The following HOMER1 variants were observed in gnomAD, a reference collection of about 807,000 sequenced individuals.
HOMER1 encodes the protein homer protein homolog 1.
Under a neutral mutation model 48.9 loss-of-function variants are expected in HOMER1, and 3 were observed. That is an observed-to-expected ratio of 0.06 (90% CI 0.03 to 0.16). The LOEUF (loss-of-function observed/expected upper bound fraction) is 0.16. HOMER1 is among the 10% of genes least tolerant of loss of function. The pLI is 1.00. For missense variants in HOMER1, 247 were observed against 411.4 expected, an observed-to-expected ratio of 0.60 and a Z score of 3.46; for synonymous variants, 134 against 146.4, an observed-to-expected ratio of 0.92 and a Z score of 0.61.
At chr5:79,418,353 C>T (rs1234691004) in intron 5 of HOMER1, among the ~76,000 whole-genome samples, 23 of 152,122 alleles carry the variant, frequency 1.5e-4, no homozygotes, top group Admixed American at 1.5e-3. Flanking sequence ...TCCTGATCGG[C>T]CTCGATGGAA....
At chr5:79,429,185 G>A (rs1418369961) in intron 5 of HOMER1, among the ~76,000 whole-genome samples, 2 of 152,076 alleles carry the variant, frequency 1.3e-5, no homozygotes, top group Non-Finnish European at 2.9e-5. Context: ...GTGAAATCCC[G>A]TCTCTACTAA....
rs1178796119 is a variant in HOMER1, at chr5:79,466,235, G to A, written c.6-9217C>T. Among the ~76,000 whole-genome samples the A allele has an allele frequency of 5.3e-5, 8 of 151,928 alleles. No homozygotes were observed. The East Asian group carries it at 1.5e-3, about 29-fold the overall frequency. Reference sequence around the variant, plus strand: ...ATCACATTTAAAATTACATTTTTAGGCTGGGTGTGGTGGCTCATACCTGTA... The same window carrying A: ...ATCACATTTAAAATTACATTTTTAGACTGGGTGTGGTGGCTCATACCTGTA... On this transcript the variant is annotated intron_variant, in intron 1 of 8. Transcript: ENST00000334082.
chr5:79,506,218 G>A (rs554274091), intron 1 of HOMER1, among the ~76,000 whole-genome samples: 3 of 151,692 alleles, frequency 2.0e-5, no homozygotes, highest in Admixed American at 1.3e-4. Context: ...AGGTTCAAGC[G>A]ATAAAAACTT....
At position 79,384,038 on chromosome 5, in the gene HOMER1, A is replaced by G. The variant is rs546048950; in HGVS notation, c.877-7841T>C. Among the ~76,000 whole-genome samples the G allele has an allele frequency of 6.8e-4, 103 of 151,972 alleles. 1 individual carries two copies. Among genetic ancestry groups the G allele is most frequent in the African/African-American group, 2.3e-3 (96 of 41,488 alleles). Reference sequence around the variant, plus strand: ...CTAAGAGGCAAGTTTATAGCAATAAATGCCGACATCAAAAAAGTAGAAAGA... The same window carrying G: ...CTAAGAGGCAAGTTTATAGCAATAAGTGCCGACATCAAAAAAGTAGAAAGA... On this transcript the variant is annotated intron_variant, in intron 8 of 8. Transcript: ENST00000334082.
chr5:79,379,433 T>A (rs1160214483), intron 8 of HOMER1, among the ~76,000 whole-genome samples: 16 of 117,828 alleles, frequency 1.4e-4, no homozygotes, highest in Admixed American at 3.5e-4. Flanking sequence ...ATATTATATA[T>A]TTATTATATA....
At chr5:79,378,222 C>T (rs34857973) in intron 8 of HOMER1, among the ~76,000 whole-genome samples, 863 of 85,406 alleles carry the variant, frequency 0.01, 9 homozygotes, top group East Asian at 0.022. Flanking sequence ...GACTCTGTCT[C>T]AAAAAAAAAA....
At chr5:79,395,356 T>G (rs1050168769) in intron 8 of HOMER1, among the ~76,000 whole-genome samples, 1 of 152,112 alleles carries the variant, frequency 6.6e-6, no homozygotes, top group Non-Finnish European at 1.5e-5. Context: ...ACATTTTGGG[T>G]TGGATAATCT....
At chr5:79,461,711 T>C (rs1751322006) in intron 1 of HOMER1, among the ~76,000 whole-genome samples, 1 of 152,148 alleles carries the variant, frequency 6.6e-6, no homozygotes. Flanking sequence ...AATATCTCAC[T>C]GAAAGTTGGT....
intron 5 of HOMER1, among the ~76,000 whole-genome samples, chr5:79,410,192 G>C (rs1161913529): frequency 6.6e-6 from 1 of 151,970 alleles, no homozygotes; most frequent in Non-Finnish European, 1.5e-5. Flanking sequence ...TTCTAGAGCA[G>C]TATGAAATAC....
At chr5:79,500,994 A>ACACACACAC (rs1491137703) in intron 1 of HOMER1, among the ~76,000 whole-genome samples, 4 of 143,126 alleles carry the variant, frequency 2.8e-5, no homozygotes, top group African/African-American at 1.1e-4. Context: ...ACACACACAC[A>ACACACACAC]AGGTCTGGCT....
chr5:79,475,994 T>G (rs1050974935), intron 1 of HOMER1, among the ~76,000 whole-genome samples: 1 of 152,192 alleles, frequency 6.6e-6, no homozygotes, highest in African/African-American at 2.4e-5. Flanking sequence ...TATCAATAAC[T>G]TGTCACTTAC....
chr5:79,377,454 T>C (rs904839565), intron 8 of HOMER1, among the ~76,000 whole-genome samples: 3 of 152,236 alleles, frequency 2.0e-5, no homozygotes, highest in Non-Finnish European at 4.4e-5. Flanking sequence ...AAAGTTGTTA[T>C]ATATCCGTTC....
intron 8 of HOMER1, among the ~76,000 whole-genome samples, chr5:79,377,729 A>T (rs1325105145): frequency 6.6e-6 from 1 of 152,222 alleles, no homozygotes; most frequent in African/African-American, 2.4e-5. Context: ...AAAAGAACAG[A>T]ATATAAAGTA....
intron 1 of HOMER1, among the ~76,000 whole-genome samples, chr5:79,463,721 C>T (rs1405400825): frequency 2.6e-5 from 4 of 152,144 alleles, no homozygotes; most frequent in Non-Finnish European, 5.9e-5. Flanking sequence ...TTCATAACAC[C>T]ACCCCACAGT....
At chr5:79,510,761 G>A (rs1043590083) in intron 1 of HOMER1, 7 of 761,264 alleles carry the variant, frequency 9.2e-6, no homozygotes, top group African/African-American at 1.7e-5. Flanking sequence ...GCTCGTGCCC[G>A]CATTGCCAAG....
At chr5:79,388,793 G>A (rs1014425605) in intron 8 of HOMER1, among the ~76,000 whole-genome samples, 2 of 151,846 alleles carry the variant, frequency 1.3e-5, no homozygotes, top group Non-Finnish European at 2.9e-5. Flanking sequence ...AATAATCCTA[G>A]AGAATGAAAG....
chr5:79,513,522 G>C lies in HOMER1; in HGVS notation c.-748C>G, dbSNP rs1753002024. ...CATTTCCAGGCTGGCAGCAGGCTGG[G>C]GGCGCAGCGCACGCCGGAGAGCTGG... On this transcript the variant is annotated 5_prime_UTR_variant, in exon 1 of 9. Coordinates refer to ENST00000334082, the MANE Select transcript of HOMER1 (RefSeq NM_004272.5). The C allele has an allele frequency of 6.6e-6, 1 of 152,586 alleles. No individual in the cohort carries two copies. Among genetic ancestry groups the C allele is most frequent in the African/African-American group, 2.4e-5 (1 of 41,472 alleles). The allele number at this position is 152,586 out of a possible 1,614,324, so 9.5% of individuals were successfully genotyped here. A position where few individuals can be genotyped will look rare whatever the true frequency, so the allele number is the denominator to read the frequency against.
intron 1 of HOMER1, among the ~76,000 whole-genome samples, chr5:79,458,979 AGTATT>A (rs1316037269): frequency 6.6e-6 from 1 of 152,170 alleles, no homozygotes; most frequent in African/African-American, 2.4e-5. Context: ...CTGAGGTAAA[AGTATT>A]GTTGGTCAGG....
At chr5:79,473,683 T>A (rs979752668) in intron 1 of HOMER1, among the ~76,000 whole-genome samples, 1 of 152,156 alleles carries the variant, frequency 6.6e-6, no homozygotes, top group Non-Finnish European at 1.5e-5. Flanking sequence ...TTTGAGACAT[T>A]TGAGAAGAAC....
Sources: allele counts gnomAD v4.1 joint callset (sites outside exome capture counted in the v4.1 genomes callset), GRCh38; gene constraint gnomAD v4.1.1; transcripts MANE v1.5; gene names NCBI Gene and HGNC (gene_info 2026-07-23, HGNC 2026-07-21).